The following CDH4 variants were observed in gnomAD, a reference collection of about 807,000 sequenced individuals.
CDH4 encodes the protein cadherin-4.
Under a neutral mutation model 86.0 loss-of-function variants are expected in CDH4, and 33 were observed. That is an observed-to-expected ratio of 0.38 (90% CI 0.29 to 0.51). The LOEUF is 0.51. CDH4 is among the 20% of genes least tolerant of loss of function. The probability of loss-of-function intolerance (pLI) is 0.86; values close to 1 mark genes in which losing one functional copy is unlikely to be tolerated. For missense variants in CDH4, 1,114 were observed against 1,307.4 expected, an observed-to-expected ratio of 0.85 and a Z score of 2.28; for synonymous variants, 555 against 549.4, an observed-to-expected ratio of 1.01 and a Z score of -0.14.
intron 2 of CDH4, among the ~76,000 whole-genome samples, chr20:61,673,093 G>A (rs142660439): frequency 5.7e-4 from 87 of 152,230 alleles, no homozygotes; most frequent in Non-Finnish European, 8.2e-4. Context: ...GGATGCAGAC[G>A]GCCTCTAGAA....
chr20:61,557,205 A>G (rs558427531), intron 2 of CDH4, among the ~76,000 whole-genome samples: 1 of 152,332 alleles, frequency 6.6e-6, no homozygotes, highest in African/African-American at 2.4e-5. Flanking sequence ...AGGGCCAAGG[A>G]GTACGTATTT....
chr20:61,734,929 G>A (rs751656739), intron 2 of CDH4, among the ~76,000 whole-genome samples: 66 of 152,152 alleles, frequency 4.3e-4, no homozygotes, highest in African/African-American at 1.2e-3. Context: ...GATAGCCCCC[G>A]CTCCCGAGAA....
At chr20:61,408,775 T>C (rs2085098493) in intron 2 of CDH4, among the ~76,000 whole-genome samples, 2 of 152,102 alleles carry the variant, frequency 1.3e-5, no homozygotes, top group South Asian at 4.1e-4. Context: ...ATTTTTTATA[T>C]GGGGCCCATG....
intron 2 of CDH4, among the ~76,000 whole-genome samples, chr20:61,711,076 G>A (rs2087886407): frequency 6.6e-6 from 1 of 152,190 alleles, no homozygotes; most frequent in South Asian, 2.1e-4. Flanking sequence ...ACCAGGTGGA[G>A]GTAATTGGAT....
chr20:61,305,968 C>T (rs2084414974), intron 2 of CDH4, among the ~76,000 whole-genome samples: 1 of 152,204 alleles, frequency 6.6e-6, no homozygotes, highest in Non-Finnish European at 1.5e-5. Context: ...CTGCCAATAG[C>T]ACCACTTCCG....
chr20:61,622,404 G>T (rs189021747), intron 2 of CDH4, among the ~76,000 whole-genome samples: 1 of 152,226 alleles, frequency 6.6e-6, no homozygotes, highest in Non-Finnish European at 1.5e-5. Flanking sequence ...GGCATACCCC[G>T]GGTGCAAGAA....
intron 7 of CDH4, among the ~76,000 whole-genome samples, chr20:61,893,574 T>C (rs1240001042): frequency 3.0e-5 from 2 of 66,210 alleles, no homozygotes; most frequent in Non-Finnish European, 5.8e-5. Flanking sequence ...TGTGGGTGGG[T>C]GGGTAGGTGG....
chr20:61,655,762 G>C (rs2087180495), intron 2 of CDH4, among the ~76,000 whole-genome samples: 1 of 152,228 alleles, frequency 6.6e-6, no homozygotes, highest in South Asian at 2.1e-4. Flanking sequence ...GATGCTGCAG[G>C]GTCAGCCAGC....
intron 2 of CDH4, among the ~76,000 whole-genome samples, chr20:61,352,958 G>A (rs1180217719): frequency 6.6e-6 from 1 of 152,098 alleles, no homozygotes; most frequent in East Asian, 1.9e-4. Context: ...CATTCTCTCT[G>A]CCTGTGTGGC....
intron 2 of CDH4, among the ~76,000 whole-genome samples, chr20:61,457,896 G>A (rs2085417748): frequency 6.7e-6 from 1 of 150,252 alleles, no homozygotes; most frequent in South Asian, 2.1e-4. Context: ...ACTAGTGGTG[G>A]TGATGGTCAT....
At chr20:61,831,167 C>G (rs564284278) in intron 4 of CDH4, among the ~76,000 whole-genome samples, 12 of 152,322 alleles carry the variant, frequency 7.9e-5, no homozygotes, top group African/African-American at 2.6e-4. Context: ...GTAGACCAGG[C>G]GGCCAAAGCT....
At chr20:61,909,816 A>G (rs2054829761) in intron 8 of CDH4, among the ~76,000 whole-genome samples, 1 of 152,234 alleles carries the variant, frequency 6.6e-6, no homozygotes, top group Non-Finnish European at 1.5e-5. Context: ...TCTAGCTCCA[A>G]GGATTGAGAT....
At chr20:61,323,464 A>G (rs1038885592) in intron 2 of CDH4, among the ~76,000 whole-genome samples, 5 of 152,224 alleles carry the variant, frequency 3.3e-5, no homozygotes, top group Non-Finnish European at 7.3e-5. Context: ...ATGCACAGGA[A>G]GAAACAATAC....
rs141555692 is a variant in CDH4 at position 61,719,898 on chromosome 20, G to C, written c.170-23665G>C. On this transcript the variant is annotated intron_variant, in intron 2 of 15. Coordinates refer to ENST00000614565, the MANE Select transcript of CDH4 (RefSeq NM_001794.5). ...AGATGAAGGCGCGGCTGGTGGGGAA[G>C]CACCTTGCTTTTGTGAACAGCAGAA... 3.9e-5 allele frequency: 6 copies of C among 152,370 alleles called. No homozygotes were observed. The East Asian group carries it at 1.2e-3, about 29-fold the overall frequency. 9.4% of individuals were successfully genotyped at this position (152,370 alleles called of 1,614,324 possible).
At chr20:61,287,378 G>C (rs6071568) in intron 2 of CDH4, among the ~76,000 whole-genome samples, 87,760 of 151,892 alleles carry the variant, frequency 0.58, 26,327 homozygotes, top group East Asian at 0.73. Flanking sequence ...AGGAGGCTGA[G>C]GTGGCAGGAT....
intron 2 of CDH4, among the ~76,000 whole-genome samples, chr20:61,330,557 C>A (rs1391810899): frequency 6.6e-6 from 1 of 152,198 alleles, no homozygotes; most frequent in Non-Finnish European, 1.5e-5. Context: ...TCGTTGTAGG[C>A]AGTTGCCTTC....
At chr20:61,360,946 A>C (rs2084780025) in intron 2 of CDH4, among the ~76,000 whole-genome samples, 2 of 152,092 alleles carry the variant, frequency 1.3e-5, no homozygotes, top group African/African-American at 2.4e-5. Context: ...CAGCATGAAA[A>C]TGTAGCAGGA....
At chr20:61,855,323 C>T (rs1162369532) in intron 6 of CDH4, among the ~76,000 whole-genome samples, 4 of 152,194 alleles carry the variant, frequency 2.6e-5, no homozygotes, top group Non-Finnish European at 4.4e-5. Flanking sequence ...ACGGGTGCAT[C>T]CAGTGTCACT....
intron 4 of CDH4, among the ~76,000 whole-genome samples, chr20:61,786,172 C>T (rs953499774): frequency 6.6e-6 from 1 of 152,142 alleles, no homozygotes; most frequent in Admixed American, 6.6e-5. Context: ...GTTCAAACAG[C>T]GTCTCCTTCC....
Sources: allele counts gnomAD v4.1 joint callset (sites outside exome capture counted in the v4.1 genomes callset), GRCh38; gene constraint gnomAD v4.1.1; transcripts MANE v1.5; gene names NCBI Gene and HGNC (gene_info 2026-07-23, HGNC 2026-07-21).